Variants in LRBA observed in about 807,000 individuals in gnomAD.
The protein encoded by LRBA is lipopolysaccharide-responsive and beige-like anchor protein.
Under a neutral mutation model 330.0 loss-of-function variants are expected in LRBA, and 176 were observed. The ratio of observed to expected loss-of-function variants is 0.53; its 90% confidence interval spans 0.47 to 0.60. The LOEUF (loss-of-function observed/expected upper bound fraction) is 0.60. LRBA is among the 20% of genes least tolerant of loss of function. The pLI is 0.00. For missense variants in LRBA, 3,259 were observed against 3,444.8 expected (o/e 0.95, Z 1.35); for synonymous variants, 1,230 against 1,193.0 (o/e 1.03, Z -0.64).
At chr4:150,790,047 C>T (rs1446075095) in intron 34 of LRBA, among the ~76,000 whole-genome samples, 1 of 152,208 alleles carries the variant, frequency 6.6e-6, no homozygotes, top group African/African-American at 2.4e-5. Flanking sequence ...GATGTCTCCA[C>T]ACTCACAGGC....
At chr4:150,760,264 C>T (rs532359295) in intron 35 of LRBA, among the ~76,000 whole-genome samples, 2 of 152,086 alleles carry the variant, frequency 1.3e-5, no homozygotes, top group African/African-American at 2.4e-5. Flanking sequence ...TCATTAATTG[C>T]CCTATGAATT....
chr4:150,315,641 T>A lies in LRBA; in HGVS notation c.7631-18A>T, dbSNP rs770880606. The A allele has an allele frequency of 1.0e-5, 16 of 1,548,170 alleles. No individual in the cohort carries two copies. The Admixed American group carries it at 1.7e-4, about 17-fold the overall frequency. On this transcript the variant is annotated intron_variant, in intron 50 of 56. Coordinates refer to ENST00000651943, the MANE Select transcript of LRBA (RefSeq NM_001364905.1). ...TTGATGAGCTGGAATTCACAAAAGA[T>A]AAAGAAAAAAGGCATTATTTTTTAT...
At chr4:150,932,041 C>T (rs903956879) in intron 2 of LRBA, among the ~76,000 whole-genome samples, 2 of 151,904 alleles carry the variant, frequency 1.3e-5, no homozygotes, top group African/African-American at 4.8e-5. Context: ...TGCCACTGAG[C>T]CCTAGCCTGG....
At chr4:150,466,542 A>G (rs1755473626) in intron 44 of LRBA, among the ~76,000 whole-genome samples, 1 of 152,110 alleles carries the variant, frequency 6.6e-6, no homozygotes, top group South Asian at 2.1e-4. Flanking sequence ...GTTAGTACTA[A>G]CAGCAAGAAA....
chr4:150,869,523 C>A lies in LRBA; in HGVS notation c.2449+1002G>T, dbSNP rs141783474. 1.7e-3 allele frequency among the ~76,000 whole-genome samples: 261 copies of A among 151,802 alleles called. 2 individuals carry two copies. Among genetic ancestry groups the A allele is most frequent in the African/African-American group, 6.0e-3 (250 of 41,396 alleles). On this transcript the variant is annotated intron_variant, in intron 20 of 56. Coordinates refer to ENST00000651943, the MANE Select transcript of LRBA (RefSeq NM_001364905.1). ...GGCCAACATGGCGAAATCCCATCTC[C>A]ACAAAAAATACAAAAATTAGCCAGG...
intron 53 of LRBA, among the ~76,000 whole-genome samples, chr4:150,289,065 T>C (rs1748536987): frequency 6.6e-6 from 1 of 152,202 alleles, no homozygotes; most frequent in African/African-American, 2.4e-5. Flanking sequence ...CAATTTTCTT[T>C]CTTTCTTTAA....
chr4:150,594,110 C>T (rs2126481472), intron 38 of LRBA, among the ~76,000 whole-genome samples: 1 of 152,188 alleles, frequency 6.6e-6, no homozygotes, highest in African/African-American at 2.4e-5. Context: ...AGCTCAGATT[C>T]TGGAATTGTT....
rs1382803410 is a variant in LRBA at position 150,488,971 on chromosome 4, TAAG to T, written c.6449-1140_6449-1138del. 4.3e-4 allele frequency among the ~76,000 whole-genome samples: 56 copies of T among 129,814 alleles called. 1 individual carries two copies. The East Asian group carries it at 0.011, about 26-fold the overall frequency. The allele number at this position is 129,814 out of a possible 152,430, so 85.2% of individuals were successfully genotyped here. Reference sequence around the variant, plus strand: ...TATATAACATATAATATATTATATATAAGAATATATAACATATAATATATATAA... The same window carrying T: ...TATATAACATATAATATATTATATATAATATATAACATATAATATATATAA... On this transcript the variant is annotated intron_variant, in intron 41 of 56. Transcript: ENST00000651943.
chr4:150,475,299 T>C (rs1487668776), intron 42 of LRBA, among the ~76,000 whole-genome samples: 4 of 152,206 alleles, frequency 2.6e-5, no homozygotes, highest in Non-Finnish European at 4.4e-5. Flanking sequence ...CCTTATAGAA[T>C]GAGTTGCAAG....
chr4:150,363,167 C>T (rs528728912), intron 47 of LRBA, among the ~76,000 whole-genome samples: 1 of 151,866 alleles, frequency 6.6e-6, no homozygotes, highest in Non-Finnish European at 1.5e-5. Flanking sequence ...AACAGTTTAG[C>T]TCATGTACAG....
At chr4:150,448,927 C>T (rs747396722) in intron 44 of LRBA, among the ~76,000 whole-genome samples, 11 of 151,156 alleles carry the variant, frequency 7.3e-5, no homozygotes, top group Non-Finnish European at 1.2e-4. Flanking sequence ...CGGGAGTTTG[C>T]ATGCACTTGT....
intron 22 of LRBA, among the ~76,000 whole-genome samples, chr4:150,853,640 TG>T (rs1158964988): frequency 6.6e-6 from 1 of 152,202 alleles, no homozygotes; most frequent in African/African-American, 2.4e-5. Context: ...TATCATGCTT[TG>T]CCTTTTACCC....
chr4:150,356,304 C>T (rs1280853702), intron 47 of LRBA, among the ~76,000 whole-genome samples: 2 of 152,012 alleles, frequency 1.3e-5, no homozygotes, highest in Admixed American at 6.6e-5. Context: ...AGCCACTTTG[C>T]GGAAAGCTAT....
chr4:150,935,129 T>C (rs1425688327), intron 2 of LRBA, among the ~76,000 whole-genome samples: 2 of 150,396 alleles, frequency 1.3e-5, no homozygotes, highest in South Asian at 2.1e-4. Context: ...TGAGCCGAGA[T>C]TGCCCCATTG....
chr4:150,991,668 A>G (rs1742100985), intron 2 of LRBA, among the ~76,000 whole-genome samples: 1 of 152,182 alleles, frequency 6.6e-6, no homozygotes, highest in African/African-American at 2.4e-5. Flanking sequence ...TGGGGAAGAG[A>G]GAAATGACTA....
intron 48 of LRBA, among the ~76,000 whole-genome samples, chr4:150,329,615 A>G (rs1264414208): frequency 6.6e-6 from 1 of 152,088 alleles, no homozygotes; most frequent in Non-Finnish European, 1.5e-5. Context: ...AATTTTTTCT[A>G]CTGGGCCTCA....
chr4:150,710,607 A>G (rs1448262349), intron 36 of LRBA, among the ~76,000 whole-genome samples: 1 of 152,156 alleles, frequency 6.6e-6, no homozygotes, highest in Non-Finnish European at 1.5e-5. Context: ...ATTCTGGCCC[A>G]GCTCTTGATT....
intron 36 of LRBA, among the ~76,000 whole-genome samples, chr4:150,731,262 C>T (rs563904519): frequency 6.2e-4 from 95 of 152,116 alleles, no homozygotes; most frequent in African/African-American, 2.2e-3. Context: ...ATAGAGCTAC[C>T]GTATGATCCA....
intron 44 of LRBA, among the ~76,000 whole-genome samples, chr4:150,444,080 A>G (rs1752265735): frequency 6.6e-6 from 1 of 151,730 alleles, no homozygotes; most frequent in South Asian, 2.1e-4. Flanking sequence ...ACCTTAGAAG[A>G]AGGCATCAAA....
Sources: allele counts gnomAD v4.1 joint callset (sites outside exome capture counted in the v4.1 genomes callset), GRCh38; gene constraint gnomAD v4.1.1; transcripts MANE v1.5; gene names NCBI Gene and HGNC (gene_info 2026-07-23, HGNC 2026-07-21).